GRID2: variants seen among roughly 807,000 people sequenced by gnomAD.
GRID2 encodes glutamate ionotropic receptor delta type subunit 2, also known as glutamate receptor ionotropic, delta-2.
A neutral mutation model predicts 114.8 loss-of-function variants in GRID2; 33 were observed. That is an observed-to-expected ratio of 0.29 (90% CI 0.22 to 0.38). The LOEUF is 0.38. GRID2 is among the 10% of genes least tolerant of loss of function. The pLI, the probability that GRID2 is intolerant of heterozygous loss-of-function variation, is 1.00. For missense variants in GRID2, 1,184 were observed against 1,257.7 expected (o/e 0.94, Z 0.89); for synonymous variants, 505 against 449.9 (o/e 1.12, Z -1.55).
chr4:92,853,080 C>T (rs888649047), intron 2 of GRID2, among the ~76,000 whole-genome samples: 16 of 151,944 alleles, frequency 1.1e-4, no homozygotes, highest in African/African-American at 3.9e-4. Context: ...ATAGCACAGA[C>T]TTTGGAATCA....
At chr4:92,758,528 G>A (rs570772395) in intron 2 of GRID2, among the ~76,000 whole-genome samples, 1 of 152,132 alleles carries the variant, frequency 6.6e-6, no homozygotes, top group East Asian at 1.9e-4. Flanking sequence ...AATTGTATAA[G>A]CCTCAACTTT....
rs35356936 is a variant in GRID2, at chr4:92,757,847, T to TAA, written c.244+167572_244+167573dup. Among the ~76,000 whole-genome samples, 111 of 142,842 alleles carry TAA rather than the reference T, an allele frequency of 7.8e-4. 1 individual carries two copies. The highest frequency in any genetic ancestry group is 1.2e-3 in the Admixed American group (17 of 14,224). 93.7% of individuals were successfully genotyped at this position (142,842 alleles called of 152,430 possible). On this transcript the variant is annotated intron_variant, in intron 2 of 15. Transcript: ENST00000282020. ...GCCGAGAAGTTACTTAAAACGATGT[T>TAA]AAAAAAAAAAAAGGTTTATACATTG...
intron 6 of GRID2, among the ~76,000 whole-genome samples, chr4:93,222,386 G>C (rs1342764988): frequency 6.6e-6 from 1 of 151,836 alleles, no homozygotes; most frequent in East Asian, 1.9e-4. Context: ...ACCAAATATT[G>C]AGAAATGTTA....
chr4:93,410,257 G>GT (rs1419275190), intron 9 of GRID2, among the ~76,000 whole-genome samples: 1 of 151,924 alleles, frequency 6.6e-6, no homozygotes, highest in Non-Finnish European at 1.5e-5. Context: ...TATGTTCAAG[G>GT]TAAAAAAAAG....
chr4:93,108,854 C>T lies in GRID2; in HGVS notation c.530-1894C>T, dbSNP rs376078284. ...CCATATTGGCCAGGCTGGTCTCAAGCTCCTGACCTCATGATCTGCCCCCCT... is the reference window on the plus strand; with the variant it reads ...CCATATTGGCCAGGCTGGTCTCAAGTTCCTGACCTCATGATCTGCCCCCCT... On this transcript the variant is annotated intron_variant, in intron 3 of 15. Coordinates refer to ENST00000282020, the MANE Select transcript of GRID2 (RefSeq NM_001510.4). 1.2e-4 allele frequency among the ~76,000 whole-genome samples: 19 copies of T among 152,146 alleles called. 1 individual carries two copies. The highest frequency in any genetic ancestry group is 4.6e-4 in the African/African-American group (19 of 41,518).
intron 2 of GRID2, among the ~76,000 whole-genome samples, chr4:93,030,664 T>C (rs1368215763): frequency 6.6e-6 from 1 of 151,864 alleles, no homozygotes; most frequent in Non-Finnish European, 1.5e-5. Context: ...GGATTACAGG[T>C]GTGAGACACC....
At chr4:93,428,420 A>G (rs748836727) in intron 10 of GRID2, among the ~76,000 whole-genome samples, 80 of 152,204 alleles carry the variant, frequency 5.3e-4, no homozygotes, top group Non-Finnish European at 9.9e-4. Context: ...TTGTAGTAAA[A>G]CTTCATTTTT....
At chr4:92,831,987 T>C (rs1014352055) in intron 2 of GRID2, among the ~76,000 whole-genome samples, 1 of 152,170 alleles carries the variant, frequency 6.6e-6, no homozygotes. Context: ...CATAAAAGAC[T>C]GTTTCAGCAA....
At chr4:92,632,744 G>A (rs1239747084) in intron 2 of GRID2, among the ~76,000 whole-genome samples, 1 of 148,216 alleles carries the variant, frequency 6.7e-6, no homozygotes, top group Non-Finnish European at 1.5e-5. Context: ...AAGGGAAGAA[G>A]TGAAGGAAGG....
At chr4:92,911,423 C>A (rs1333721587) in intron 2 of GRID2, among the ~76,000 whole-genome samples, 1 of 151,980 alleles carries the variant, frequency 6.6e-6, no homozygotes, top group African/African-American at 2.4e-5. Context: ...GTAACAAAAA[C>A]ACTTAAAGTG....
chr4:92,726,854 G>C (rs2149321333), intron 2 of GRID2, among the ~76,000 whole-genome samples: 1 of 151,984 alleles, frequency 6.6e-6, no homozygotes, highest in South Asian at 2.1e-4. Flanking sequence ...TGATTCTTCA[G>C]AATCAGACTA....
chr4:93,441,279 G>A (rs934815313), intron 10 of GRID2, among the ~76,000 whole-genome samples: 18 of 152,058 alleles, frequency 1.2e-4, no homozygotes, highest in African/African-American at 4.1e-4. Context: ...AAGACATTTC[G>A]GATATGAAAT....
Position 93,075,883 on chromosome 4 carries a change from C to CTCTTTTTT in GRID2, c.245-9111_245-9110insCTTTTTTT, listed in dbSNP as rs1490779668. ...GTATTGGGATGTCGAAGTTACCTCTCTTTTTTTTTTTTTTTTTTTTTTTTT... is the reference window on the plus strand; with the variant it reads ...GTATTGGGATGTCGAAGTTACCTCTCTCTTTTTTTTTTTTTTTTTTTTTTTTTTTTTTT... On this transcript the variant is annotated intron_variant, in intron 2 of 15. Coordinates refer to ENST00000282020, the MANE Select transcript of GRID2 (RefSeq NM_001510.4). Among the ~76,000 whole-genome samples, 35 of 76,606 alleles carry CTCTTTTTT rather than the reference C, an allele frequency of 4.6e-4. 1 individual carries two copies. The highest frequency in any genetic ancestry group is 1.5e-3 in the African/African-American group (29 of 18,750). 50.3% of individuals were successfully genotyped at this position (76,606 alleles called of 152,430 possible). A position where few individuals can be genotyped will look rare whatever the true frequency, so the allele number is the denominator to read the frequency against.
At chr4:93,235,378 C>T (rs1746658679) in intron 7 of GRID2, among the ~76,000 whole-genome samples, 1 of 152,062 alleles carries the variant, frequency 6.6e-6, no homozygotes, top group Non-Finnish European at 1.5e-5. Context: ...TCTGCTGCAT[C>T]ACCAAGAGAT....
At chr4:92,539,519 G>A (rs1394218151) in intron 1 of GRID2, among the ~76,000 whole-genome samples, 15 of 150,958 alleles carry the variant, frequency 9.9e-5, no homozygotes, top group Admixed American at 9.9e-4. Context: ...TGTTTTTTTG[G>A]TAATTATAAT....
At chr4:92,824,408 T>G (rs1741540468) in intron 2 of GRID2, among the ~76,000 whole-genome samples, 2 of 152,150 alleles carry the variant, frequency 1.3e-5, no homozygotes, top group Admixed American at 1.3e-4. Context: ...AGCTATTCCC[T>G]GCTACCTGTG....
chr4:93,685,834 T>C (rs1248041272), intron 14 of GRID2, among the ~76,000 whole-genome samples: 2 of 152,096 alleles, frequency 1.3e-5, no homozygotes, highest in South Asian at 2.1e-4. Flanking sequence ...CATTACATTC[T>C]GTATACAAAT....
At chr4:93,069,168 G>A (rs1175097880) in intron 2 of GRID2, among the ~76,000 whole-genome samples, 3 of 151,496 alleles carry the variant, frequency 2.0e-5, no homozygotes, top group African/African-American at 7.3e-5. Context: ...TCCAACATTC[G>A]AGATTACATT....
At chr4:92,541,137 C>T (rs1466128364) in intron 1 of GRID2, among the ~76,000 whole-genome samples, 5 of 151,538 alleles carry the variant, frequency 3.3e-5, no homozygotes, top group Non-Finnish European at 5.9e-5. Flanking sequence ...ACACTGGGGC[C>T]TGTTGTAGGG....
Sources: gnomAD v4.1 joint callset for allele counts (sites outside exome capture counted in the v4.1 genomes callset) on GRCh38, gnomAD v4.1.1 for gene constraint, MANE v1.5 for transcripts, NCBI Gene and HGNC (gene_info 2026-07-23, HGNC 2026-07-21) for gene names.